RFX7: variants seen among roughly 807,000 people sequenced by gnomAD.
RFX7 encodes regulatory factor X7, also known as DNA-binding protein RFX7.
A neutral mutation model predicts 111.8 loss-of-function variants in RFX7; 26 were observed. The observed-to-expected ratio is 0.23, with a 90% CI of 0.17 to 0.32. The LOEUF (loss-of-function observed/expected upper bound fraction) is 0.32. Ranked by LOEUF, RFX7 falls within the 10% of genes least tolerant of loss-of-function variation. The pLI, the probability that RFX7 is intolerant of heterozygous loss-of-function variation, is 1.00. For synonymous variants in RFX7, 624 were observed against 624.4 expected (o/e 1.00, Z 0.01); for missense variants, 1,573 against 1,772.9 (o/e 0.89, Z 2.02).
At chr15:56,202,640 C>CA (rs554952369) in intron 2 of RFX7, among the ~76,000 whole-genome samples, 15 of 151,712 alleles carry the variant, frequency 9.9e-5, no homozygotes, top group Non-Finnish European at 1.3e-4. Context: ...CCTACCTCTA[C>CA]AAAAAAAATA....
chr15:56,111,440 TTGAAGGCAGCA>T (rs1408644293), intron 5 of RFX7, among the ~76,000 whole-genome samples: 1 of 151,308 alleles, frequency 6.6e-6, no homozygotes, highest in Non-Finnish European at 1.5e-5. Flanking sequence ...AAACAGACGC[TTGAAGGCAGCA>T]TGCTCGTTAA....
intron 2 of RFX7, among the ~76,000 whole-genome samples, chr15:56,212,855 AC>A (rs1410092881): frequency 1.3e-5 from 2 of 152,160 alleles, no homozygotes; most frequent in Admixed American, 6.5e-5. Context: ...AAAATATATC[AC>A]CAAAGAGTAT....
intron 5 of RFX7, among the ~76,000 whole-genome samples, chr15:56,135,123 T>C (rs1335927263): frequency 6.6e-6 from 1 of 152,228 alleles, no homozygotes; most frequent in Non-Finnish European, 1.5e-5. Flanking sequence ...CCTTTGGGTA[T>C]ATACCCAGTA....
chr15:56,190,114 T>C (rs1403725531), intron 2 of RFX7, among the ~76,000 whole-genome samples: 2 of 152,222 alleles, frequency 1.3e-5, no homozygotes, highest in South Asian at 2.1e-4. Context: ...ATTTTACTTA[T>C]ATGAAGTTCT....
chr15:56,106,228 T>G (rs2041827912), intron 5 of RFX7, among the ~76,000 whole-genome samples: 1 of 152,354 alleles, frequency 6.6e-6, no homozygotes, highest in South Asian at 2.1e-4. Context: ...TGTGTGGTTA[T>G]TTCACAAAAT....
Position 56,095,277 on chromosome 15 carries a change from C to A in RFX7, c.2451G>T (p.Glu817Asp), listed in dbSNP as rs1242767115. ...TTCCTTCTAATTCCCAAACAGATTT[C>A]TCTAAGTCATTGATATCAGAGTGCT... is the stretch of plus-strand genomic sequence containing the variant. ...IPEHSDINDL[E>D]KSVWELEGMP... The change falls in exon 10 of 10, where the codon GAG becomes GAT. Residue 817 changes from glutamate to aspartate, a missense_variant. By Grantham distance (45) the Glu-to-Asp change is conservative (BLOSUM62 2). This residue lies in a region of RFX7 where 625 missense variants were observed against 632.2 expected (regional missense o/e 0.99). Transcript: ENST00000559447. The A allele has an allele frequency of 1.2e-6, 2 of 1,613,964 alleles. No homozygotes were observed. The highest frequency in any genetic ancestry group is 2.2e-5 in the South Asian group (2 of 91,078).
At chr15:56,190,168 A>AAAAT (rs1450604011) in intron 2 of RFX7, among the ~76,000 whole-genome samples, 2 of 152,360 alleles carry the variant, frequency 1.3e-5, no homozygotes, top group East Asian at 3.9e-4. Flanking sequence ...AATTAGAAAA[A>AAAAT]GTATCTGTCT....
At chr15:56,145,268 T>C (rs2042452487) in intron 3 of RFX7, among the ~76,000 whole-genome samples, 1 of 152,210 alleles carries the variant, frequency 6.6e-6, no homozygotes, top group African/African-American at 2.4e-5. Context: ...AAAATTCTGG[T>C]AGCCTAATCT....
chr15:56,185,103 C>G (rs1355261444), intron 2 of RFX7, among the ~76,000 whole-genome samples: 1 of 152,096 alleles, frequency 6.6e-6, no homozygotes, highest in African/African-American at 2.4e-5. Context: ...AAAAGAAAGA[C>G]TTTATCTTTC....
chr15:56,128,256 C>T (rs2140985318), intron 5 of RFX7, among the ~76,000 whole-genome samples: 1 of 152,142 alleles, frequency 6.6e-6, no homozygotes, highest in African/African-American at 2.4e-5. Flanking sequence ...CCAACACTAT[C>T]CTGACACCAA....
intron 2 of RFX7, among the ~76,000 whole-genome samples, chr15:56,212,457 CCATAGAATGTGTAACA>C (rs2043322742): frequency 6.6e-6 from 1 of 151,986 alleles, no homozygotes; most frequent in Non-Finnish European, 1.5e-5. Context: ...CTGACCAAAC[CCATAGAATGTGTAACA>C]CCCGGAGTGA....
Position 56,093,155 on chromosome 15 carries a change from C to A in RFX7, c.*190G>T. On this transcript the variant is annotated 3_prime_UTR_variant, in exon 10 of 10. Transcript: ENST00000559447. ...AACCTAATACTTGTTCTTCTACAGCCTACTGTCTTTAGACACTTGTTAAGA... is the reference window on the plus strand; with the variant it reads ...AACCTAATACTTGTTCTTCTACAGCATACTGTCTTTAGACACTTGTTAAGA... 1.9e-6 allele frequency: 1 copy of A among 536,354 alleles called. No individual in the cohort carries two copies. The highest frequency in any genetic ancestry group is 3.3e-6 in the Non-Finnish European group (1 of 306,928). 33.2% of individuals were successfully genotyped at this position (536,354 alleles called of 1,614,324 possible). A position where few individuals can be genotyped will look rare whatever the true frequency, so the allele number is the denominator to read the frequency against.
intron 5 of RFX7, among the ~76,000 whole-genome samples, chr15:56,123,650 G>A (rs1322339031): frequency 6.6e-6 from 1 of 152,176 alleles, no homozygotes; most frequent in Non-Finnish European, 1.5e-5. Flanking sequence ...CCTATACATT[G>A]CAGTCCTTGT....
intron 5 of RFX7, among the ~76,000 whole-genome samples, chr15:56,118,386 C>T (rs1410299814): frequency 2.6e-5 from 4 of 152,108 alleles, no homozygotes; most frequent in Non-Finnish European, 1.5e-5. Flanking sequence ...CCTACTGTAT[C>T]TCCATGAGTT....
chr15:56,222,013 G>A (rs1450911185), intron 2 of RFX7, among the ~76,000 whole-genome samples: 1 of 152,140 alleles, frequency 6.6e-6, no homozygotes, highest in African/African-American at 2.4e-5. Context: ...CAGTTTCCTT[G>A]AGACTGAAGG....
intron 5 of RFX7, among the ~76,000 whole-genome samples, chr15:56,119,542 C>T (rs529472218): frequency 6.7e-4 from 102 of 151,784 alleles, no homozygotes; most frequent in Middle Eastern, 3.4e-3. Flanking sequence ...TTTGGGAGGC[C>T]GAGGTGGGTG....
At chr15:56,242,989 G>T in intron 2 of RFX7, 136 bp downstream of exon 2, 1 of 631,518 alleles carries the variant, frequency 1.6e-6, no homozygotes, top group Non-Finnish European at 2.5e-6. Context: ...CTACAAATGT[G>T]CACCCGACTG....
chr15:56,141,502 C>T (rs2042392323), intron 5 of RFX7, among the ~76,000 whole-genome samples: 1 of 151,700 alleles, frequency 6.6e-6, no homozygotes, highest in Admixed American at 6.6e-5. Flanking sequence ...ATGGCAGAAT[C>T]TATTCTCTTG....
At chr15:56,140,166 T>C (rs2042369659) in intron 5 of RFX7, among the ~76,000 whole-genome samples, 1 of 152,226 alleles carries the variant, frequency 6.6e-6, no homozygotes, top group South Asian at 2.1e-4. Context: ...TCCTGGCTGC[T>C]TTGTTTACCT....
Sources: allele counts gnomAD v4.1 joint callset (sites outside exome capture counted in the v4.1 genomes callset), GRCh38; gene constraint gnomAD v4.1.1; regional missense constraint gnomAD v4.1.1; transcripts MANE v1.5; gene names NCBI Gene and HGNC (gene_info 2026-07-23, HGNC 2026-07-21).